The following NRG3 variants were observed in gnomAD, a reference collection of about 807,000 sequenced individuals.
The protein encoded by NRG3 is neuregulin 3.
Under a neutral mutation model 66.9 loss-of-function variants are expected in NRG3, and 31 were observed. The observed-to-expected ratio is 0.46, with a 90% CI of 0.35 to 0.63. The LOEUF (loss-of-function observed/expected upper bound fraction) is 0.63. Among genes scored for constraint, NRG3 ranks in the 20% least tolerant of loss-of-function variants. The pLI is 0.00. For missense variants in NRG3, 910 were observed against 878.9 expected (o/e 1.04, Z -0.45); for synonymous variants, 393 against 359.4 (o/e 1.09, Z -1.06).
At chr10:82,756,624 A>G (rs1409097081) in intron 3 of NRG3, among the ~76,000 whole-genome samples, 1 of 152,124 alleles carries the variant, frequency 6.6e-6, no homozygotes, top group African/African-American at 2.4e-5. Flanking sequence ...TCCTGTCCTC[A>G]TGGAACTTAT....
chr10:82,234,619 C>G (rs1237813695), intron 1 of NRG3, among the ~76,000 whole-genome samples: 2 of 152,098 alleles, frequency 1.3e-5, no homozygotes, highest in African/African-American at 4.8e-5. Context: ...CAATTTGTTA[C>G]AATATTTTAT....
intron 3 of NRG3, among the ~76,000 whole-genome samples, chr10:82,858,148 G>A (rs544521744): frequency 1.8e-4 from 28 of 152,264 alleles, no homozygotes; most frequent in African/African-American, 6.5e-4. Context: ...ACAGCACTAT[G>A]CTCTGGAAGC....
At chr10:82,673,673 G>GT (rs2053460964) in intron 2 of NRG3, among the ~76,000 whole-genome samples, 1 of 152,144 alleles carries the variant, frequency 6.6e-6, no homozygotes, top group African/African-American at 2.4e-5. Context: ...AAGTTTGGGG[G>GT]TTGGGGGATG....
intron 1 of NRG3, among the ~76,000 whole-genome samples, chr10:82,086,005 T>C (rs912965182): frequency 1.2e-4 from 18 of 152,084 alleles, no homozygotes; most frequent in African/African-American, 4.1e-4. Context: ...ATTCAACAAA[T>C]GACCTTTTAA....
chr10:81,899,779 G>A (rs1843859327), intron 1 of NRG3, among the ~76,000 whole-genome samples: 1 of 152,116 alleles, frequency 6.6e-6, no homozygotes, highest in Non-Finnish European at 1.5e-5. Flanking sequence ...ATCTTGTTGA[G>A]TAAACACTCG....
chr10:81,923,528 A>T (rs1313161266), intron 1 of NRG3, among the ~76,000 whole-genome samples: 6 of 152,168 alleles, frequency 3.9e-5, no homozygotes, highest in African/African-American at 1.4e-4. Flanking sequence ...CTTGTGGGGT[A>T]GGCAACAAAG....
intron 3 of NRG3, among the ~76,000 whole-genome samples, chr10:82,755,699 C>T (rs1011316993): frequency 3.9e-5 from 6 of 152,148 alleles, no homozygotes; most frequent in African/African-American, 7.2e-5. Context: ...AACCATTCCA[C>T]TGTAAATCAA....
chr10:82,975,589 G>A (rs889063982), intron 7 of NRG3, among the ~76,000 whole-genome samples: 2 of 152,114 alleles, frequency 1.3e-5, no homozygotes, highest in African/African-American at 4.8e-5. Context: ...ATGGGCAAGC[G>A]TTGACTTACA....
At chr10:82,291,372 G>A (rs1468196060) in intron 1 of NRG3, among the ~76,000 whole-genome samples, 1 of 152,218 alleles carries the variant, frequency 6.6e-6, no homozygotes, top group African/African-American at 2.4e-5. Context: ...GAGACATATG[G>A]TGTTCATGTA....
At chr10:82,298,067 C>G (rs2080175278) in intron 1 of NRG3, among the ~76,000 whole-genome samples, 1 of 152,000 alleles carries the variant, frequency 6.6e-6, no homozygotes, top group South Asian at 2.1e-4. Context: ...TCACTTGAGT[C>G]CAGGAGGTGG....
At chr10:82,837,815 G>T (rs2062854180) in intron 3 of NRG3, among the ~76,000 whole-genome samples, 2 of 152,124 alleles carry the variant, frequency 1.3e-5, no homozygotes, top group Non-Finnish European at 2.9e-5. Flanking sequence ...TTGTCATGAG[G>T]TGCAGGAGCT....
intron 2 of NRG3, among the ~76,000 whole-genome samples, chr10:82,430,063 G>A (rs182473626): frequency 2.0e-5 from 3 of 152,194 alleles, no homozygotes; most frequent in East Asian, 3.9e-4. Context: ...TCAGTTTGGA[G>A]AAATCAGTCC....
At chr10:82,370,381 C>T (rs897653885) in intron 2 of NRG3, among the ~76,000 whole-genome samples, 1 of 138,246 alleles carries the variant, frequency 7.2e-6, no homozygotes, top group Non-Finnish European at 1.5e-5. Flanking sequence ...AGCATCCAGA[C>T]ATCCCTCCTC....
chr10:82,620,339 C>G (rs190366563), intron 2 of NRG3, among the ~76,000 whole-genome samples: 1 of 152,056 alleles, frequency 6.6e-6, no homozygotes. Flanking sequence ...TGAGGTTGCA[C>G]GGACACTTGA....
intron 3 of NRG3, among the ~76,000 whole-genome samples, chr10:82,862,649 T>C (rs1269138791): frequency 6.6e-6 from 1 of 152,136 alleles, no homozygotes; most frequent in African/African-American, 2.4e-5. Flanking sequence ...TTTTGAGAGC[T>C]AATCCCAAGT....
chr10:82,082,311 A>G (rs577047728), intron 1 of NRG3, among the ~76,000 whole-genome samples: 4 of 152,342 alleles, frequency 2.6e-5, no homozygotes, highest in Admixed American at 6.5e-5. Flanking sequence ...AGCCCTGTGT[A>G]TCTATTGCAC....
intron 3 of NRG3, among the ~76,000 whole-genome samples, chr10:82,863,223 G>T (rs1328983083): frequency 6.6e-6 from 1 of 151,962 alleles, no homozygotes; most frequent in Non-Finnish European, 1.5e-5. Flanking sequence ...GTATTCTATG[G>T]TGTATATGTG....
chr10:82,360,147 C>T (rs549932914), intron 2 of NRG3, among the ~76,000 whole-genome samples: 257 of 152,324 alleles, frequency 1.7e-3, no homozygotes, highest in Non-Finnish European at 2.8e-3. Context: ...GCACCCTATT[C>T]CTATGCTCTG....
chr10:81,877,623 A>AG, intron 1 of NRG3: 3 of 1,112,476 alleles, frequency 2.7e-6, no homozygotes, highest in South Asian at 2.7e-5. Context: ...GGAGAGGGAA[A>AG]GGGGGAAAAA....
Sources: allele counts gnomAD v4.1 joint callset (sites outside exome capture counted in the v4.1 genomes callset), GRCh38; gene constraint gnomAD v4.1.1; transcripts MANE v1.5; gene names NCBI Gene and HGNC (gene_info 2026-07-23, HGNC 2026-07-21).